Variants in SLC24A2 observed in about 807,000 individuals in gnomAD.
SLC24A2 encodes the protein sodium/potassium/calcium exchanger 2.
A neutral mutation model predicts 62.0 loss-of-function variants in SLC24A2; 36 were observed. That is an observed-to-expected ratio of 0.58 (90% confidence interval 0.44 to 0.77). SLC24A2 has a LOEUF of 0.77. SLC24A2 is among the 30% of genes least tolerant of loss of function. The probability of loss-of-function intolerance (pLI) is 0.00; values close to 1 mark genes in which losing one functional copy is unlikely to be tolerated. For synonymous variants in SLC24A2, 358 were observed against 294.0 expected (o/e 1.22, Z -2.23); for missense variants, 846 against 817.9 (o/e 1.03, Z -0.42).
chr9:19,992,649 A>C, the SLC24A2 span, among the ~76,000 whole-genome samples: 1 of 152,238 alleles, frequency 6.6e-6, no homozygotes, highest in African/African-American at 2.4e-5. Flanking sequence ...GGTTCAGATT[A>C]AATTCATCTC....
At chr9:19,777,672 T>C (rs1287926812) in intron 2 of SLC24A2, among the ~76,000 whole-genome samples, 3 of 152,134 alleles carry the variant, frequency 2.0e-5, no homozygotes, top group Non-Finnish European at 4.4e-5. Flanking sequence ...ATGTCCAATA[T>C]GTTCCTATTT....
At chr9:19,521,790 T>C (rs1262949948) in intron 9 of SLC24A2, among the ~76,000 whole-genome samples, 1 of 152,130 alleles carries the variant, frequency 6.6e-6, no homozygotes, top group Non-Finnish European at 1.5e-5. Flanking sequence ...GACTAAATGA[T>C]AATCTGTGAC....
chr9:19,838,593 G>A, the SLC24A2 span, among the ~76,000 whole-genome samples: 153 of 151,346 alleles, frequency 1.0e-3, no homozygotes, highest in Non-Finnish European at 1.8e-3. Context: ...GAGTCGAGAC[G>A]GTGCCACTGC....
chr9:20,192,369 T>A, the SLC24A2 span, among the ~76,000 whole-genome samples: 1 of 150,064 alleles, frequency 6.7e-6, no homozygotes, highest in South Asian at 2.1e-4. Flanking sequence ...ATGTTTTAAA[T>A]TGGGAAGATA....
At chr9:19,941,888 C>G in the SLC24A2 span, among the ~76,000 whole-genome samples, 2 of 152,142 alleles carry the variant, frequency 1.3e-5, no homozygotes, top group South Asian at 2.1e-4. Context: ...ACAAGGGATA[C>G]TTTGTGGCCT....
At chr9:20,024,503 C>A in the SLC24A2 span, among the ~76,000 whole-genome samples, 1 of 152,156 alleles carries the variant, frequency 6.6e-6, no homozygotes, top group Non-Finnish European at 1.5e-5. Flanking sequence ...AGCTTGACAG[C>A]CTTTCTACAT....
the SLC24A2 span, among the ~76,000 whole-genome samples, chr9:20,150,823 C>G: frequency 6.6e-6 from 1 of 151,434 alleles, no homozygotes; most frequent in African/African-American, 2.4e-5. Context: ...TGATTTTTAC[C>G]TATATTTACA....
chr9:19,550,382 T>A, intron 7 of SLC24A2, 114 bp from the exon 8 acceptor site: 1 of 1,037,560 alleles, frequency 9.6e-7, no homozygotes, highest in African/African-American at 1.6e-5. Flanking sequence ...TTTTCTGGAC[T>A]CGTTCCAGTA....
intron 2 of SLC24A2, among the ~76,000 whole-genome samples, chr9:19,662,043 C>T (rs899795851): frequency 4.6e-5 from 7 of 152,198 alleles, no homozygotes; most frequent in Admixed American, 3.3e-4. Context: ...ATGTCCTTCT[C>T]TGCTATTCCT....
At chr9:20,162,865 AC>A in the SLC24A2 span, among the ~76,000 whole-genome samples, 1 of 152,106 alleles carries the variant, frequency 6.6e-6, no homozygotes, top group Non-Finnish European at 1.5e-5. Flanking sequence ...CATAATCAGC[AC>A]CAAAGACAAA....
intron 2 of SLC24A2, among the ~76,000 whole-genome samples, chr9:19,699,075 C>G (rs1820280663): frequency 6.6e-6 from 1 of 152,098 alleles, no homozygotes; most frequent in Non-Finnish European, 1.5e-5. Context: ...GATGGAATTC[C>G]TGCCTAGAGG....
chr9:19,740,161 T>G (rs74519998), intron 2 of SLC24A2, among the ~76,000 whole-genome samples: 4 of 6,660 alleles, frequency 6.0e-4, no homozygotes, highest in African/African-American at 4.7e-3. Context: ...CTTTGAAAAA[T>G]TCTTAGGCAG....
At chr9:20,250,308 A>T in the SLC24A2 span, among the ~76,000 whole-genome samples, 1 of 152,220 alleles carries the variant, frequency 6.6e-6, no homozygotes, top group Non-Finnish European at 1.5e-5. Flanking sequence ...TCATTCTGGA[A>T]GTCCTACAGG....
the SLC24A2 span, among the ~76,000 whole-genome samples, chr9:20,269,030 A>C: frequency 2.6e-5 from 4 of 152,210 alleles, no homozygotes; most frequent in Admixed American, 6.5e-5. Context: ...TTTAGGTACA[A>C]TTTAGCAGTT....
At chr9:19,885,339 A>G in the SLC24A2 span, among the ~76,000 whole-genome samples, 61,894 of 151,540 alleles carry the variant, frequency 0.41, 13,160 homozygotes, top group East Asian at 0.83. Flanking sequence ...GAAGGTAGGC[A>G]GGGGCCTGAG....
chr9:20,169,313 A>T, the SLC24A2 span, among the ~76,000 whole-genome samples: 1 of 152,122 alleles, frequency 6.6e-6, no homozygotes, highest in African/African-American at 2.4e-5. Flanking sequence ...GCTCCCACTC[A>T]GATGGACAGA....
intron 1 of SLC24A2, chr9:19,788,659 G>T: frequency 3.0e-6 from 3 of 984,288 alleles, no homozygotes; most frequent in Non-Finnish European, 3.6e-6. Flanking sequence ...CCTGCCCCAC[G>T]CCCCCCATCC....
chr9:20,103,003 G>A, the SLC24A2 span, among the ~76,000 whole-genome samples: 29 of 152,292 alleles, frequency 1.9e-4, no homozygotes, highest in African/African-American at 6.5e-4. Context: ...CTAATACTGC[G>A]CTTTTCCGAT....
At chr9:19,788,361 T>A (rs1823242004) in intron 1 of SLC24A2, among the ~76,000 whole-genome samples, 2 of 152,156 alleles carry the variant, frequency 1.3e-5, no homozygotes, top group Admixed American at 6.5e-5. Flanking sequence ...GGGCGCAAAG[T>A]CATCTCCAGC....
Sources: allele counts gnomAD v4.1 joint callset (sites outside exome capture counted in the v4.1 genomes callset), GRCh38; gene constraint gnomAD v4.1.1; transcripts MANE v1.5; gene names NCBI Gene and HGNC (gene_info 2026-07-23, HGNC 2026-07-21).